The following LRRC4C variants were observed in gnomAD, a reference collection of about 807,000 sequenced individuals.
The protein encoded by LRRC4C is leucine rich repeat containing 4C, also known as leucine-rich repeat-containing protein 4C.
Under a neutral mutation model 33.6 loss-of-function variants are expected in LRRC4C, and 5 were observed. The observed-to-expected ratio is 0.15, with a 90% CI of 0.08 to 0.31. The LOEUF (loss-of-function observed/expected upper bound fraction) is 0.31. Ranked by LOEUF, LRRC4C falls within the 10% of genes least tolerant of loss-of-function variation. The pLI is 1.00. For missense variants in LRRC4C, 560 were observed against 796.7 expected, an observed-to-expected ratio of 0.70 and a Z score of 3.58; for synonymous variants, 329 against 302.0, an observed-to-expected ratio of 1.09 and a Z score of -0.93.
At chr11:40,666,162 A>G (rs965835842) in intron 2 of LRRC4C, among the ~76,000 whole-genome samples, 1 of 152,150 alleles carries the variant, frequency 6.6e-6, no homozygotes, top group African/African-American at 2.4e-5. Flanking sequence ...AAGCAAATGA[A>G]CTAGAGCCTC....
intron 3 of LRRC4C, among the ~76,000 whole-genome samples, chr11:40,565,113 T>G (rs1309436404): frequency 6.6e-6 from 1 of 152,124 alleles, no homozygotes. Context: ...TGCTCTGAAA[T>G]TAAACTGCAG....
intron 1 of LRRC4C, among the ~76,000 whole-genome samples, chr11:41,101,260 G>T (rs1364715436): frequency 6.6e-6 from 1 of 151,994 alleles, no homozygotes; most frequent in South Asian, 2.1e-4. Context: ...TCTGACAAAG[G>T]TCTAATATGT....
intron 1 of LRRC4C, among the ~76,000 whole-genome samples, chr11:41,439,865 A>C (rs1044892812): frequency 6.6e-6 from 1 of 152,048 alleles, no homozygotes; most frequent in Non-Finnish European, 1.5e-5. Context: ...AAATTGTTAA[A>C]TTGTTTGAGT....
At chr11:40,780,293 T>C (rs899817767) in intron 2 of LRRC4C, among the ~76,000 whole-genome samples, 2 of 152,176 alleles carry the variant, frequency 1.3e-5, no homozygotes, top group African/African-American at 4.8e-5. Context: ...TGAATGTATT[T>C]ATGGTACTGC....
intron 1 of LRRC4C, among the ~76,000 whole-genome samples, chr11:41,176,245 T>C (rs2136123094): frequency 6.6e-6 from 1 of 152,344 alleles, no homozygotes; most frequent in African/African-American, 2.4e-5. Flanking sequence ...TTCATTTTAG[T>C]AGACTCATGG....
chr11:40,385,389 A>T (rs1590553993), intron 3 of LRRC4C, among the ~76,000 whole-genome samples: 1 of 152,128 alleles, frequency 6.6e-6, no homozygotes, highest in Admixed American at 6.5e-5. Context: ...TATCTATCTA[A>T]CTATGTGATC....
chr11:40,963,680 C>T (rs1216307029), intron 1 of LRRC4C, among the ~76,000 whole-genome samples: 1 of 151,690 alleles, frequency 6.6e-6, no homozygotes, highest in Non-Finnish European at 1.5e-5. Context: ...TAATATAGCT[C>T]TCCTACCAAA....
intron 3 of LRRC4C, among the ~76,000 whole-genome samples, chr11:40,571,899 A>G (rs1291146128): frequency 6.6e-6 from 1 of 152,214 alleles, no homozygotes; most frequent in Admixed American, 6.6e-5. Context: ...TCTCTAAAGC[A>G]GTGGCACATC....
chr11:41,267,500 G>T (rs4445616), intron 1 of LRRC4C, among the ~76,000 whole-genome samples: 54,729 of 151,990 alleles, frequency 0.36, 11,215 homozygotes, highest in Non-Finnish European at 0.46. Context: ...AATCAATAAA[G>T]GTTAAGTGGC....
chr11:41,290,141 A>T (rs1949949517), intron 1 of LRRC4C, among the ~76,000 whole-genome samples: 1 of 152,220 alleles, frequency 6.6e-6, no homozygotes, highest in Non-Finnish European at 1.5e-5. Flanking sequence ...AATGGACCAC[A>T]TACCAAAAAC....
intron 1 of LRRC4C, among the ~76,000 whole-genome samples, chr11:41,245,343 G>A (rs530396399): frequency 1.3e-5 from 2 of 152,244 alleles, no homozygotes; most frequent in East Asian, 3.9e-4. Context: ...GGTGAGCCAG[G>A]CATGGAGCAC....
At chr11:41,456,911 T>C (rs1378410174) in intron 1 of LRRC4C, among the ~76,000 whole-genome samples, 1 of 152,118 alleles carries the variant, frequency 6.6e-6, no homozygotes, top group Non-Finnish European at 1.5e-5. Context: ...GCAAACACCA[T>C]CAGGAACCCT....
At chr11:40,711,352 C>G (rs1409751384) in intron 2 of LRRC4C, among the ~76,000 whole-genome samples, 1 of 152,152 alleles carries the variant, frequency 6.6e-6, no homozygotes, top group Non-Finnish European at 1.5e-5. Context: ...GATTTTACAA[C>G]ACCCAAGTCC....
chr11:40,738,939 G>C (rs1259709535), intron 2 of LRRC4C, among the ~76,000 whole-genome samples: 1 of 151,796 alleles, frequency 6.6e-6, no homozygotes, highest in Non-Finnish European at 1.5e-5. Flanking sequence ...GTGATGTTTT[G>C]ATATACGCTG....
At chr11:40,669,486 C>T (rs1943978150) in intron 2 of LRRC4C, among the ~76,000 whole-genome samples, 1 of 152,186 alleles carries the variant, frequency 6.6e-6, no homozygotes, top group Admixed American at 6.5e-5. Context: ...TTGCTTTCTT[C>T]TCCTCTCCAG....
At chr11:40,749,630 G>A (rs1426237165) in intron 2 of LRRC4C, among the ~76,000 whole-genome samples, 1 of 147,416 alleles carries the variant, frequency 6.8e-6, no homozygotes, top group African/African-American at 2.5e-5. Context: ...AATCAGAGCA[G>A]AACTAAGTAA....
intron 1 of LRRC4C, among the ~76,000 whole-genome samples, chr11:41,381,961 A>G (rs550330236): frequency 1.3e-5 from 2 of 151,564 alleles, no homozygotes; most frequent in Non-Finnish European, 2.9e-5. Flanking sequence ...ATATATGCAT[A>G]TATTCATATT....
At chr11:40,883,851 C>A (rs777379203) in intron 2 of LRRC4C, among the ~76,000 whole-genome samples, 3 of 150,348 alleles carry the variant, frequency 2.0e-5, no homozygotes, top group Non-Finnish European at 4.4e-5. Flanking sequence ...AAGTTTGTTT[C>A]CAAAATAATG....
chr11:40,154,263 A>G (rs1038817730), intron 5 of LRRC4C, among the ~76,000 whole-genome samples: 3 of 147,678 alleles, frequency 2.0e-5, no homozygotes, highest in Non-Finnish European at 4.5e-5. Flanking sequence ...ATTTGCCTAT[A>G]AAACAAAAAT....
Sources: gnomAD v4.1 joint callset for allele counts (sites outside exome capture counted in the v4.1 genomes callset) on GRCh38, gnomAD v4.1.1 for gene constraint, MANE v1.5 for transcripts, NCBI Gene and HGNC (gene_info 2026-07-23, HGNC 2026-07-21) for gene names.